The following CDH2 variants were observed in gnomAD, a reference collection of about 807,000 sequenced individuals.
The protein encoded by CDH2 is cadherin 2, also known as cadherin-2.
CDH2 carries 17 observed loss-of-function variants against 92.0 expected under a neutral mutation model. The ratio of observed to expected loss-of-function variants is 0.18; its 90% confidence interval spans 0.13 to 0.28. The LOEUF is 0.28. CDH2 is among the 10% of genes least tolerant of loss of function. The pLI is 1.00. For synonymous variants in CDH2, 419 were observed against 415.9 expected, an observed-to-expected ratio of 1.01 and a Z score of -0.09; for missense variants, 862 against 1,133.1, an observed-to-expected ratio of 0.76 and a Z score of 3.44.
chr18:28,039,071 A>G (rs1433254183), intron 2 of CDH2, among the ~76,000 whole-genome samples: 1 of 152,158 alleles, frequency 6.6e-6, no homozygotes, highest in African/African-American at 2.4e-5. Context: ...CAGGATAGTG[A>G]ACTTTATGTG....
chr18:28,041,108 C>T (rs1170458001), intron 2 of CDH2, among the ~76,000 whole-genome samples: 2 of 152,068 alleles, frequency 1.3e-5, no homozygotes, highest in Non-Finnish European at 2.9e-5. Context: ...AATGAGTATA[C>T]ATTGAGAGAA....
At chr18:27,992,189 G>C (rs1273402436) in intron 9 of CDH2, among the ~76,000 whole-genome samples, 1 of 152,064 alleles carries the variant, frequency 6.6e-6, no homozygotes, top group African/African-American at 2.4e-5. Flanking sequence ...TATTCTAATA[G>C]CTGTAGACAT....
chr18:27,954,883 C>G (rs1362251274), intron 15 of CDH2, among the ~76,000 whole-genome samples: 1 of 152,172 alleles, frequency 6.6e-6, no homozygotes, highest in East Asian at 1.9e-4. Context: ...AGCCTACACT[C>G]CTCTTCCCTA....
intron 2 of CDH2, among the ~76,000 whole-genome samples, chr18:28,091,325 A>G (rs1359255184): frequency 1.4e-4 from 22 of 152,222 alleles, no homozygotes. Flanking sequence ...AAGAAAATGA[A>G]AACACCCCCT....
intron 2 of CDH2, among the ~76,000 whole-genome samples, chr18:28,049,560 C>A (rs923320099): frequency 2.0e-5 from 3 of 152,150 alleles, no homozygotes; most frequent in Non-Finnish European, 4.4e-5. Flanking sequence ...CAACAATGTG[C>A]TTTATAATTC....
chr18:28,112,528 C>T (rs777870104), intron 2 of CDH2, among the ~76,000 whole-genome samples: 51 of 152,150 alleles, frequency 3.4e-4, no homozygotes, highest in Non-Finnish European at 6.2e-4. Context: ...TAACTTCAAA[C>T]GCACTTAAAA....
At chr18:28,015,577 GT>G (rs2013222162) in intron 2 of CDH2, among the ~76,000 whole-genome samples, 1 of 151,996 alleles carries the variant, frequency 6.6e-6, no homozygotes, top group Non-Finnish European at 1.5e-5. Flanking sequence ...CCATATTTTT[GT>G]ATAAAAAGTA....
At chr18:28,168,519 G>T in intron 1 of CDH2, 1 of 174,568 alleles carries the variant, frequency 5.7e-6, no homozygotes, top group Non-Finnish European at 1.1e-5. Flanking sequence ...AAAATGTGTG[G>T]TCTTGTGGCC....
chr18:27,972,912 G>C (rs573777923), intron 14 of CDH2, among the ~76,000 whole-genome samples: 1 of 152,200 alleles, frequency 6.6e-6, no homozygotes, highest in Non-Finnish European at 1.5e-5. Flanking sequence ...TCTAAGACAA[G>C]ATGTCTTGAG....
intron 9 of CDH2, among the ~76,000 whole-genome samples, chr18:27,990,704 G>A (rs576516849): frequency 6.6e-6 from 1 of 152,188 alleles, no homozygotes; most frequent in African/African-American, 2.4e-5. Context: ...AGAACATGAT[G>A]GTCTAAATGT....
At chr18:27,990,460 A>T in intron 9 of CDH2, 110 bp from the exon 10 acceptor site, 1 of 981,060 alleles carries the variant, frequency 1.0e-6, no homozygotes, top group East Asian at 2.5e-5. Context: ...TTCATTCACT[A>T]CATAACAAGG....
chr18:28,038,735 T>C (rs1189853827), intron 2 of CDH2, among the ~76,000 whole-genome samples: 1 of 152,132 alleles, frequency 6.6e-6, no homozygotes, highest in Admixed American at 6.6e-5. Flanking sequence ...TGTACTGATG[T>C]CAGCCTTGTT....
chr18:28,021,876 AT>A (rs945503528), intron 2 of CDH2, among the ~76,000 whole-genome samples: 10 of 151,936 alleles, frequency 6.6e-5, no homozygotes, highest in Admixed American at 4.6e-4. Flanking sequence ...TTGACTTTTT[AT>A]TTTTTTCCAT....
chr18:28,156,190 C>A (rs1437067993), intron 1 of CDH2, among the ~76,000 whole-genome samples: 1 of 152,114 alleles, frequency 6.6e-6, no homozygotes, highest in African/African-American at 2.4e-5. Context: ...CCTTGAGTAT[C>A]TCTAGTATCA....
At chr18:28,006,989 T>A (rs1016055176) in intron 5 of CDH2, among the ~76,000 whole-genome samples, 1 of 150,812 alleles carries the variant, frequency 6.6e-6, no homozygotes, top group Non-Finnish European at 1.5e-5. Context: ...CTGGCCAACA[T>A]GGTGAAAACC....
intron 2 of CDH2, among the ~76,000 whole-genome samples, chr18:28,113,737 AAGAC>A (rs978228377): frequency 6.6e-6 from 1 of 152,130 alleles, no homozygotes; most frequent in African/African-American, 2.4e-5. Context: ...CTCTGAAAAA[AAGAC>A]AGGGAATATT....
intron 1 of CDH2, among the ~76,000 whole-genome samples, chr18:28,168,806 A>G (rs1598523695): frequency 1.3e-5 from 2 of 152,092 alleles, no homozygotes; most frequent in East Asian, 3.9e-4. Context: ...TCAAAAGTTA[A>G]TTATTTAAAG....
At chr18:28,026,396 C>T (rs1284353260) in intron 2 of CDH2, among the ~76,000 whole-genome samples, 1 of 152,080 alleles carries the variant, frequency 6.6e-6, no homozygotes, top group East Asian at 1.9e-4. Context: ...CTTGAACAGG[C>T]TGAGAAATCT....
At chr18:28,081,320 A>G (rs2014824271) in intron 2 of CDH2, among the ~76,000 whole-genome samples, 1 of 152,192 alleles carries the variant, frequency 6.6e-6, no homozygotes, top group South Asian at 2.1e-4. Context: ...CCCATCATAT[A>G]CACTGAAGCA....
Sources: allele counts gnomAD v4.1 joint callset (sites outside exome capture counted in the v4.1 genomes callset), GRCh38; gene constraint gnomAD v4.1.1; transcripts MANE v1.5; gene names NCBI Gene and HGNC (gene_info 2026-07-23, HGNC 2026-07-21).